SND1: variants seen among roughly 807,000 people sequenced by gnomAD.
SND1 encodes staphylococcal nuclease and tudor domain containing 1, also known as staphylococcal nuclease domain-containing protein 1.
Under a neutral mutation model 121.7 loss-of-function variants are expected in SND1, and 38 were observed. The ratio of observed to expected loss-of-function variants is 0.31; its 90% CI spans 0.24 to 0.41. The LOEUF (loss-of-function observed/expected upper bound fraction) is 0.41. Among genes scored for constraint, SND1 ranks in the 10% least tolerant of loss-of-function variants. The pLI, the probability that SND1 is intolerant of heterozygous loss-of-function variation, is 1.00. For missense variants in SND1, 868 were observed against 1,184.6 expected (o/e 0.73, Z 3.92); for synonymous variants, 401 against 447.4 (o/e 0.90, Z 1.31).
chr7:127,684,861 A>AT (rs1795786145), intron 1 of SND1, among the ~76,000 whole-genome samples: 1 of 152,198 alleles, frequency 6.6e-6, no homozygotes, highest in Non-Finnish European at 1.5e-5. Context: ...ATATTGAGAC[A>AT]TTATCAGAGT....
chr7:128,009,773 C>CT (rs35016140), intron 16 of SND1, among the ~76,000 whole-genome samples: 2,300 of 144,918 alleles, frequency 0.016, 49 homozygotes, highest in South Asian at 0.04. Flanking sequence ...TTCTCAATAA[C>CT]TTTTTTTTTT....
chr7:127,852,548 G>A (rs1234222335), intron 12 of SND1, among the ~76,000 whole-genome samples: 5 of 151,052 alleles, frequency 3.3e-5, no homozygotes, highest in South Asian at 4.2e-4. Context: ...AGTGGCTCAC[G>A]CCTGTAATCC....
At chr7:127,922,599 G>C (rs907599766) in intron 14 of SND1, among the ~76,000 whole-genome samples, 1 of 152,130 alleles carries the variant, frequency 6.6e-6, no homozygotes, top group African/African-American at 2.4e-5. Flanking sequence ...TTAGTTCCTT[G>C]CAAGTCTGAT....
chr7:127,803,986 A>G (rs1357015906), intron 10 of SND1, among the ~76,000 whole-genome samples: 3 of 152,236 alleles, frequency 2.0e-5, no homozygotes, highest in East Asian at 1.9e-4. Context: ...CCACGAGTTT[A>G]TGAAGCAAGC....
At chr7:128,056,880 A>C (rs1793152202) in intron 16 of SND1, among the ~76,000 whole-genome samples, 1 of 152,144 alleles carries the variant, frequency 6.6e-6, no homozygotes, top group African/African-American at 2.4e-5. Context: ...CAGCATCACT[A>C]CTCTTGTGCT....
At chr7:128,028,891 T>A (rs1792486672) in intron 16 of SND1, 2 of 1,614,028 alleles carry the variant, frequency 1.2e-6, no homozygotes, top group East Asian at 4.5e-5. Flanking sequence ...GGAGCTGCTG[T>A]TGCTGCTGCG....
At chr7:127,784,413 T>C (rs1797775952) in intron 10 of SND1, among the ~76,000 whole-genome samples, 1 of 152,230 alleles carries the variant, frequency 6.6e-6, no homozygotes, top group African/African-American at 2.4e-5. Context: ...CCTATCCTTC[T>C]TTCCTCCCTC....
chr7:128,079,050 G>A (rs926499060), intron 17 of SND1, among the ~76,000 whole-genome samples: 4 of 152,246 alleles, frequency 2.6e-5, no homozygotes, highest in African/African-American at 4.8e-5. Context: ...AGGTAGTGCT[G>A]ACAGTCTCGT....
chr7:127,700,912 A>T (rs1796089071), intron 4 of SND1, among the ~76,000 whole-genome samples: 2 of 152,118 alleles, frequency 1.3e-5, no homozygotes, highest in Non-Finnish European at 1.5e-5. Context: ...CAGTACTGAG[A>T]TGTGTGTTCT....
intron 9 of SND1, chr7:127,718,483 C>T (rs902382509): frequency 5.8e-6 from 4 of 695,484 alleles, no homozygotes; most frequent in African/African-American, 1.9e-5. Context: ...CTTATACACA[C>T]ACGCGGACAC....
At chr7:128,064,822 G>C (rs1482017831) in intron 16 of SND1, among the ~76,000 whole-genome samples, 1 of 152,088 alleles carries the variant, frequency 6.6e-6, no homozygotes, top group African/African-American at 2.4e-5. Flanking sequence ...GGAAACACAG[G>C]CCTAAAAAAA....
rs75828942 is a variant in SND1, at chr7:127,984,262, T to C, written c.1670-6685T>C. On this transcript the variant is annotated intron_variant, in intron 15 of 23. Transcript: ENST00000354725. Reference sequence around the variant, plus strand: ...GCTCCAGCCTCAGGTCTCTCTGACATAGCTGGTCAGTGTTGACCACTTCAA... The same window carrying C: ...GCTCCAGCCTCAGGTCTCTCTGACACAGCTGGTCAGTGTTGACCACTTCAA... 6.2e-3 allele frequency among the ~76,000 whole-genome samples: 942 copies of C among 152,364 alleles called. 5 individuals are homozygous for C. The highest frequency in any genetic ancestry group is 0.01 in the Non-Finnish European group (688 of 68,036).
intron 11 of SND1, among the ~76,000 whole-genome samples, chr7:127,811,623 A>C (rs1353789578): frequency 6.6e-6 from 1 of 152,108 alleles, no homozygotes; most frequent in Non-Finnish European, 1.5e-5. Context: ...TGGTTTTGCC[A>C]CAAGAATCAG....
At chr7:127,814,907 C>T (rs1798403179) in intron 11 of SND1, among the ~76,000 whole-genome samples, 1 of 152,172 alleles carries the variant, frequency 6.6e-6, no homozygotes, top group African/African-American at 2.4e-5. Flanking sequence ...TTAAAGGCTA[C>T]ATCTTCATAA....
rs539086115 is a variant in SND1 at position 127,784,510 on chromosome 7, A to G, written c.1153-22974A>G. ...TACTTCTGAAATCATTATTTCTTAA[A>G]GAACAACTAATTCTGAAACATGGAA... On this transcript the variant is annotated intron_variant, in intron 10 of 23. Coordinates refer to ENST00000354725, the MANE Select transcript of SND1 (RefSeq NM_014390.4). 3.9e-5 allele frequency among the ~76,000 whole-genome samples: 6 copies of G among 152,372 alleles called. No homozygotes were observed. In the South Asian group the frequency reaches 1.2e-3, roughly 32 times the overall value.
At chr7:127,872,420 G>A (rs1448791852) in intron 12 of SND1, among the ~76,000 whole-genome samples, 1 of 152,164 alleles carries the variant, frequency 6.6e-6, no homozygotes, top group African/African-American at 2.4e-5. Flanking sequence ...CCAATGCTGT[G>A]TGTAACTTCT....
intron 11 of SND1, among the ~76,000 whole-genome samples, chr7:127,808,166 T>C (rs1207187670): frequency 1.4e-5 from 2 of 147,816 alleles, no homozygotes; most frequent in Non-Finnish European, 3.0e-5. Flanking sequence ...ATGGCTTCTT[T>C]TTTTTTTTTT....
intron 10 of SND1, among the ~76,000 whole-genome samples, chr7:127,803,413 A>G (rs180970140): frequency 2.0e-4 from 30 of 152,252 alleles, no homozygotes; most frequent in South Asian, 8.3e-4. Context: ...AACTTTTAAA[A>G]TTTTAGTGGA....
intron 10 of SND1, among the ~76,000 whole-genome samples, chr7:127,731,471 G>A (rs970990429): frequency 6.6e-6 from 1 of 152,170 alleles, no homozygotes; most frequent in Non-Finnish European, 1.5e-5. Context: ...AAACATGCAG[G>A]GTTCCTCACA....
Sources: gnomAD v4.1 joint callset for allele counts (sites outside exome capture counted in the v4.1 genomes callset) on GRCh38, gnomAD v4.1.1 for gene constraint, MANE v1.5 for transcripts, NCBI Gene and HGNC (gene_info 2026-07-23, HGNC 2026-07-21) for gene names.